Variants in KIF2C observed in about 807,000 individuals in gnomAD.
KIF2C encodes the protein kinesin family member 2C, also known as kinesin-like protein KIF2C.
KIF2C carries 34 observed loss-of-function variants against 97.4 expected under a neutral mutation model. That is an observed-to-expected ratio of 0.35 (90% confidence interval 0.27 to 0.46). KIF2C has a LOEUF of 0.46. Among genes scored for constraint, KIF2C ranks in the 20% least tolerant of loss-of-function variants. The pLI, the probability that KIF2C is intolerant of heterozygous loss-of-function variation, is 1.00. For synonymous variants in KIF2C, 313 were observed against 318.2 expected (o/e 0.98, Z 0.17); for missense variants, 750 against 907.6 (o/e 0.83, Z 2.23).
In KIF2C at chr1:44,750,494, G is replaced by C; in HGVS notation, c.369G>C (p.Thr123=). 1 of 1,592,064 alleles carries C rather than the reference G, an allele frequency of 6.3e-7. No homozygotes were observed. Among genetic ancestry groups the C allele is most frequent in the Non-Finnish European group, 8.6e-7 (1 of 1,167,114 alleles). ...RMSTVSELRI[T]AQENDMEVEL... The stretch of plus-strand genomic sequence containing the variant: ...CCACTGTCTCAGAGCTTCGCATCAC[G>C]GCTCAGGAGAATGACATGGAGGTGG... Residue 123 remains threonine (T), a synonymous_variant, in exon 5 of 21, where the codon ACG becomes ACC. Coordinates refer to ENST00000372224, the MANE Select transcript of KIF2C (RefSeq NM_006845.4).
At position 44,766,835 on chromosome 1, in the gene KIF2C, G is replaced by A. The variant is rs752559563; in HGVS notation, c.1981G>A (p.Asp661Asn). 1 of 1,614,198 alleles carries A rather than the reference G, an allele frequency of 6.2e-7. No individual in the cohort carries two copies. ...CCTCCCTGTGTTGTAGCAAGGACCA[G>A]ACTGGCTTGAGCTCTCTGAGATGAC... ...ELKEIIQQGP[D>N]WLELSEMTEQ... Residue 661 changes from aspartate (D) to asparagine (N), a missense_variant, in exon 20 of 21, where the codon GAC (aspartate) becomes AAC (asparagine). By Grantham distance (23) the Asp-to-Asn change is conservative. Transcript: ENST00000372224.
chr1:44,740,060 A>G, intron 1 of KIF2C, 58 bp downstream of exon 1: 3 of 1,590,648 alleles, frequency 1.9e-6, no homozygotes, highest in Non-Finnish European at 2.6e-6. Flanking sequence ...GACTGAAATT[A>G]CTGCCCGTCC....
intron 16 of KIF2C, 53 bp from the exon 17 acceptor site, chr1:44,761,863 A>G (rs866381098): frequency 3.4e-5 from 52 of 1,551,014 alleles, no homozygotes; most frequent in Middle Eastern, 3.4e-4. Context: ...GACAGGCTAT[A>G]TAGCATCCTC....
intron 10 of KIF2C, among the ~76,000 whole-genome samples, chr1:44,757,289 A>G (rs1384577056): frequency 6.6e-6 from 1 of 152,152 alleles, no homozygotes; most frequent in East Asian, 1.9e-4. Flanking sequence ...GTCAGAGGAA[A>G]GGTCAGATGG....
At position 44,767,309 on chromosome 1, in the gene KIF2C, GGGGCATCTGGGCCCA is replaced by G. The variant is rs1166718894; in HGVS notation, c.*136_*150del. The G allele has an allele frequency of 8.4e-6, 6 of 713,930 alleles. No homozygotes were observed. The East Asian group carries it at 1.4e-4, about 17-fold the overall frequency. The allele number at this position is 713,930 out of a possible 1,614,324, so 44.2% of individuals were successfully genotyped here. ...CAGGTTCTGGTAAATGCCAAGTATG[GGGGCATCTGGGCCCA>G]GGGCAGCTGGGGAGGGGGTCAGAGT... On this transcript the variant is annotated 3_prime_UTR_variant, in exon 21 of 21. Transcript: ENST00000372224.
At position 44,762,425 on chromosome 1, in the gene KIF2C, T is replaced by C. The variant is rs41269069; in HGVS notation, c.1831T>C (p.Ser611Pro). The change falls in exon 18 of 21, where the codon TCT becomes CCT. Residue 611 changes from serine to proline, a missense_variant. By Grantham distance (74) the Ser-to-Pro change is moderately conservative. Coordinates refer to ENST00000372224, the MANE Select transcript of KIF2C (RefSeq NM_006845.4). The part of the protein sequence containing the change: ...QMETEEMEAC[S>P]NGALIPGNLS... ...GGAAACAGAAGAGATGGAAGCCTGC[T>C]CTAACGGGGCGCTGATTCCAGGCAA... 3.9e-5 allele frequency: 63 copies of C among 1,614,020 alleles called. 3 individuals carry two copies. The highest frequency in any genetic ancestry group is 1.7e-5 in the Admixed American group (1 of 60,006).
intron 16 of KIF2C, among the ~76,000 whole-genome samples, chr1:44,761,646 T>C (rs984291244): frequency 2.0e-5 from 3 of 150,880 alleles, no homozygotes; most frequent in African/African-American, 7.3e-5. Context: ...AGGACCTTGG[T>C]AGCAAGACTG....
chr1:44,762,026 G>T (rs1396950247), intron 17 of KIF2C, 43 bp downstream of exon 17: 2 of 1,555,714 alleles, frequency 1.3e-6, no homozygotes, highest in Middle Eastern at 1.7e-4. Flanking sequence ...ACAGGACTGG[G>T]CAAGGGAAGG....
intron 19 of KIF2C, among the ~76,000 whole-genome samples, chr1:44,765,804 C>T (rs1048159236): frequency 4.6e-5 from 7 of 152,114 alleles, no homozygotes; most frequent in Admixed American, 3.9e-4. Flanking sequence ...GTAATCCTAG[C>T]ACTTTAGGAG....
At position 44,741,558 on chromosome 1, in the gene KIF2C, G is replaced by A. The variant is rs1040176899; in HGVS notation, c.165+551G>A. 4.6e-5 allele frequency among the ~76,000 whole-genome samples: 7 copies of A among 151,986 alleles called. No individual in the cohort carries two copies. The East Asian group carries it at 1.2e-3, about 25-fold the overall frequency. Reference sequence around the variant, plus strand: ...AAATTATCAGGGTGTGGTGGCTCACGCCTGTGGTTCCAGCTACTCGGGAAG... The same window carrying A: ...AAATTATCAGGGTGTGGTGGCTCACACCTGTGGTTCCAGCTACTCGGGAAG... On this transcript the variant is annotated intron_variant, in intron 2 of 20. Coordinates refer to ENST00000372224, the MANE Select transcript of KIF2C (RefSeq NM_006845.4).
chr1:44,744,495 G>C (rs2148821259), intron 2 of KIF2C, among the ~76,000 whole-genome samples: 1 of 152,282 alleles, frequency 6.6e-6, no homozygotes, highest in East Asian at 1.9e-4. Flanking sequence ...GCAGTTTACT[G>C]CTCTGTGACT....
At chr1:44,742,924 C>G (rs1240556401) in intron 2 of KIF2C, among the ~76,000 whole-genome samples, 1 of 152,134 alleles carries the variant, frequency 6.6e-6, no homozygotes, top group Non-Finnish European at 1.5e-5. Context: ...CACAGATGAG[C>G]ATTGCTAGAG....
At chr1:44,746,669 TTGCC>T in intron 2 of KIF2C, 1 of 1,577,828 alleles carries the variant, frequency 6.3e-7, no homozygotes. Context: ...ACCCGACTGT[TTGCC>T]TGCCTGTCTG....
chr1:44,760,299 G>A lies in KIF2C; in HGVS notation c.1387G>A (p.Ala463Thr). The change falls in exon 15 of 21, where the codon GCC (alanine) becomes ACC (threonine). Residue 463 changes from alanine (A) to threonine (T), a missense_variant. By Grantham distance (58) the Ala-to-Thr change is moderately conservative. Coordinates refer to ENST00000372224, the MANE Select transcript of KIF2C (RefSeq NM_006845.4). The surrounding 1 kb of genome is among the most constrained non-coding windows in gnomAD (Gnocchi z 4.2). ...CCACAGAACCTCTGGGCAGACATTTGCCAACTCCAATTCCTCCCGCTCCCA... is the reference window on the plus strand; with the variant it reads ...CCACAGAACCTCTGGGCAGACATTTACCAACTCCAATTCCTCCCGCTCCCA... ...SACRTSGQTF[A>T]NSNSSRSHAC... is the part of the protein sequence containing the mutation. 1 of 1,614,044 alleles carries A rather than the reference G, an allele frequency of 6.2e-7. No individual in the cohort carries two copies. The highest frequency in any genetic ancestry group is 8.5e-7 in the Non-Finnish European group (1 of 1,180,016).
Position 44,760,262 on chromosome 1 carries a change from A to G in KIF2C, c.1368-18A>G. 1 of 1,612,306 alleles carries G rather than the reference A, an allele frequency of 6.2e-7. No individual in the cohort carries two copies. Among genetic ancestry groups the G allele is most frequent in the Non-Finnish European group, 8.5e-7 (1 of 1,178,766 alleles). On this transcript the variant is annotated intron_variant, in intron 14 of 20. Coordinates refer to ENST00000372224, the MANE Select transcript of KIF2C (RefSeq NM_006845.4). The surrounding 1 kb of genome is among the most constrained non-coding windows in gnomAD (Gnocchi z 4.2). Reference sequence around the variant, plus strand: ...GGGGCTGGTGACCACAGAATCTCATAACCTTTCTTTACCACAGAACCTCTG... The same window carrying G: ...GGGGCTGGTGACCACAGAATCTCATGACCTTTCTTTACCACAGAACCTCTG...
At chr1:44,744,592 C>A (rs1359405857) in intron 2 of KIF2C, among the ~76,000 whole-genome samples, 2 of 152,174 alleles carry the variant, frequency 1.3e-5, no homozygotes, top group Non-Finnish European at 2.9e-5. Context: ...AGTTGATTGT[C>A]AGAGCAAGGC....
chr1:44,746,343 G>A, intron 2 of KIF2C: 1 of 1,027,050 alleles, frequency 9.7e-7, no homozygotes, highest in Non-Finnish European at 1.2e-6. Context: ...GGACTCTGAT[G>A]ATGTAAACTT....
intron 19 of KIF2C, 87 bp from the exon 20 acceptor site, chr1:44,766,739 C>T: frequency 6.9e-7 from 1 of 1,449,822 alleles, no homozygotes; most frequent in Non-Finnish European, 9.5e-7. Flanking sequence ...AAGCATCTTA[C>T]TCAGGTGTCT....
rs766511596 is a variant in KIF2C, at chr1:44,739,973, G to C, written c.41G>C (p.Gly14Ala). The C allele has an allele frequency of 1.9e-6, 3 of 1,614,086 alleles. No individual in the cohort carries two copies. The highest frequency in any genetic ancestry group is 2.5e-6 in the Non-Finnish European group (3 of 1,180,044). ...DSSLQARLFP[G>A]LAIKIQRSNG... is the part of the protein sequence containing the mutation. ...TCGCTTCAGGCCCGCCTGTTTCCCG[G>C]TCTCGCTATCAAGATCCAACGCAGT... The change falls in exon 1 of 21, where the codon GGT becomes GCT. Residue 14 changes from glycine (G) to alanine (A), a missense_variant. Gly to Ala is a moderately conservative substitution (Grantham distance 60). Coordinates refer to ENST00000372224, the MANE Select transcript of KIF2C (RefSeq NM_006845.4).
Sources: gnomAD v4.1 joint callset for allele counts (sites outside exome capture counted in the v4.1 genomes callset) on GRCh38, gnomAD v4.1.1 for gene constraint, Gnocchi (gnomAD v3.1) non-coding constraint, MANE v1.5 for transcripts, NCBI Gene and HGNC (gene_info 2026-07-23, HGNC 2026-07-21) for gene names.